SPATA6: variants seen among roughly 807,000 people sequenced by gnomAD.
The protein encoded by SPATA6 is spermatogenesis associated 6.
A neutral mutation model predicts 65.3 loss-of-function variants in SPATA6; 56 were observed. The ratio of observed to expected loss-of-function variants is 0.86; its 90% CI spans 0.69 to 1.07. The LOEUF is 1.07. Ranked by LOEUF, SPATA6 falls within the 50% of genes least tolerant of loss-of-function variation. The probability of loss-of-function intolerance (pLI) is 0.00; values close to 1 mark genes in which losing one functional copy is unlikely to be tolerated. For missense variants in SPATA6, 590 were observed against 594.8 expected (o/e 0.99, Z 0.08); for synonymous variants, 199 against 213.2 (o/e 0.93, Z 0.58).
intron 3 of SPATA6, chr1:48,436,963 C>A: frequency 6.2e-7 from 1 of 1,612,432 alleles, no homozygotes; most frequent in South Asian, 1.1e-5. Context: ...ATTACACACA[C>A]CATCCTCAAA....
intron 1 of SPATA6, among the ~76,000 whole-genome samples, chr1:48,460,862 T>C (rs1657377338): frequency 6.6e-6 from 1 of 151,778 alleles, no homozygotes; most frequent in Non-Finnish European, 1.5e-5. Flanking sequence ...AGTACAAATT[T>C]AATATTGAAG....
chr1:48,368,210 T>C (rs1647097204), intron 9 of SPATA6, among the ~76,000 whole-genome samples: 1 of 152,208 alleles, frequency 6.6e-6, no homozygotes, highest in South Asian at 2.1e-4. Flanking sequence ...CCGACCTTTC[T>C]CTCTGGGTGC....
chr1:48,261,929 T>G, the SPATA6 span, among the ~76,000 whole-genome samples: 7 of 152,072 alleles, frequency 4.6e-5, no homozygotes, highest in Non-Finnish European at 8.8e-5. Flanking sequence ...AACTCTAACT[T>G]ACCAGAGTAC....
At chr1:48,274,808 G>C in the SPATA6 span, among the ~76,000 whole-genome samples, 4 of 152,294 alleles carry the variant, frequency 2.6e-5, no homozygotes, top group East Asian at 1.9e-4. Flanking sequence ...GCTTAGGACT[G>C]TCTTGGCTAT....
intron 4 of SPATA6, 98 bp from the exon 5 acceptor site, chr1:48,411,686 G>A: frequency 9.6e-7 from 1 of 1,041,008 alleles, no homozygotes; most frequent in Non-Finnish European, 1.3e-6. Context: ...ATGCCTTATT[G>A]AAATACCTGT....
At chr1:48,343,488 A>C (rs931742971) in intron 11 of SPATA6, among the ~76,000 whole-genome samples, 1 of 152,180 alleles carries the variant, frequency 6.6e-6, no homozygotes, top group African/African-American at 2.4e-5. Context: ...AAGAAAATTC[A>C]ATACTTTTGT....
intron 9 of SPATA6, among the ~76,000 whole-genome samples, chr1:48,364,411 C>A (rs1199242475): frequency 6.6e-6 from 1 of 152,206 alleles, no homozygotes; most frequent in African/African-American, 2.4e-5. Context: ...AGTTTACAGT[C>A]CCACCAACAG....
At chr1:48,441,546 T>C (rs1444847230) in intron 3 of SPATA6, among the ~76,000 whole-genome samples, 1 of 152,180 alleles carries the variant, frequency 6.6e-6, no homozygotes, top group African/African-American at 2.4e-5. Flanking sequence ...TGTTGTCCCC[T>C]GCTTGAGGAG....
chr1:48,377,534 A>G (rs1424363103), intron 9 of SPATA6, among the ~76,000 whole-genome samples: 1 of 152,120 alleles, frequency 6.6e-6, no homozygotes, highest in African/African-American at 2.4e-5. Flanking sequence ...ACCAGGTCAA[A>G]CCATCTCAGT....
chr1:48,415,859 A>C (rs976640289), intron 3 of SPATA6, among the ~76,000 whole-genome samples: 2 of 152,184 alleles, frequency 1.3e-5, no homozygotes, highest in Non-Finnish European at 2.9e-5. Flanking sequence ...AATGCCCCCC[A>C]AAATATCCCT....
At chr1:48,354,968 A>C (rs1322419360) in intron 11 of SPATA6, among the ~76,000 whole-genome samples, 1 of 152,126 alleles carries the variant, frequency 6.6e-6, no homozygotes, top group Non-Finnish European at 1.5e-5. Flanking sequence ...ATAGAAACTT[A>C]AAACTGTAAA....
intron 11 of SPATA6, among the ~76,000 whole-genome samples, chr1:48,313,016 C>A (rs1187103366): frequency 6.6e-6 from 1 of 152,106 alleles, no homozygotes; most frequent in Non-Finnish European, 1.5e-5. Flanking sequence ...AAGAAACTAA[C>A]AAAGCCTCCA....
At chr1:48,318,605 T>C (rs905296454) in intron 11 of SPATA6, among the ~76,000 whole-genome samples, 2 of 152,130 alleles carry the variant, frequency 1.3e-5, no homozygotes, top group Non-Finnish European at 2.9e-5. Flanking sequence ...ATAAAACATA[T>C]TTCATATAAG....
chr1:48,459,172 A>G (rs1056095895), intron 1 of SPATA6, among the ~76,000 whole-genome samples: 1 of 139,840 alleles, frequency 7.2e-6, no homozygotes, highest in East Asian at 2.1e-4. Flanking sequence ...ACCACTGCAC[A>G]CCAGCCTAGG....
At chr1:48,264,128 T>A in the SPATA6 span, among the ~76,000 whole-genome samples, 2 of 152,208 alleles carry the variant, frequency 1.3e-5, no homozygotes, top group Non-Finnish European at 2.9e-5. Context: ...GGAGAAACAC[T>A]GACTACAAAA....
At chr1:48,388,335 A>G (rs1649704660) in intron 8 of SPATA6, among the ~76,000 whole-genome samples, 1 of 152,218 alleles carries the variant, frequency 6.6e-6, no homozygotes, top group South Asian at 2.1e-4. Context: ...ATCTGCAGGA[A>G]AAAGTCCCCC....
intron 8 of SPATA6, among the ~76,000 whole-genome samples, chr1:48,389,483 G>C (rs1193047053): frequency 1.3e-5 from 2 of 152,064 alleles, no homozygotes; most frequent in Non-Finnish European, 2.9e-5. Context: ...GAATATTATA[G>C]CCAAAATGTC....
the SPATA6 span, among the ~76,000 whole-genome samples, chr1:48,276,353 T>C: frequency 6.6e-6 from 1 of 151,176 alleles, no homozygotes; most frequent in Non-Finnish European, 1.5e-5. Flanking sequence ...TCTTCTCTGA[T>C]CTTATTTCTT....
At chr1:48,271,613 A>C in the SPATA6 span, among the ~76,000 whole-genome samples, 16 of 152,108 alleles carry the variant, frequency 1.1e-4, no homozygotes, top group South Asian at 6.2e-4. Context: ...ATTTGATTGA[A>C]CAACTAGGCC....
Sources: allele counts gnomAD v4.1 joint callset (sites outside exome capture counted in the v4.1 genomes callset), GRCh38; gene constraint gnomAD v4.1.1; transcripts MANE v1.5; gene names NCBI Gene and HGNC (gene_info 2026-07-23, HGNC 2026-07-21).